The following DNAH1 variants were observed in gnomAD, a reference collection of about 807,000 sequenced individuals.
DNAH1 encodes the protein axonemal beta dynein heavy chain 1.
A neutral mutation model predicts 484.3 loss-of-function variants in DNAH1; 327 were observed. That is an observed-to-expected ratio of 0.68 (90% CI 0.62 to 0.74). The LOEUF (loss-of-function observed/expected upper bound fraction) is 0.74. DNAH1 is among the 30% of genes least tolerant of loss of function. The probability of loss-of-function intolerance (pLI) is 0.00; values close to 1 mark genes in which losing one functional copy is unlikely to be tolerated. For synonymous variants in DNAH1, 2,192 were observed against 2,191.9 expected (o/e 1.00, Z 0.00); for missense variants, 5,052 against 5,546.8 (o/e 0.91, Z 2.83).
At chr3:52,347,685 G>A in intron 11 of DNAH1, 139 bp from the exon 12 acceptor site, 1 of 1,034,428 alleles carries the variant, frequency 9.7e-7, no homozygotes, top group Non-Finnish European at 1.3e-6. Context: ...TAACTTGGAG[G>A]TGTGTGGGAC....
chr3:52,333,391 CTT>C (rs34307560), intron 8 of DNAH1, among the ~76,000 whole-genome samples: 3 of 137,482 alleles, frequency 2.2e-5, no homozygotes. Context: ...TTCTTTCTTT[CTT>C]TTTTTTTTTT....
chr3:52,345,751 C>T, intron 10 of DNAH1, 45 bp downstream of exon 10: 1 of 1,572,752 alleles, frequency 6.4e-7, no homozygotes. Context: ...AGGGCAGACC[C>T]TTGGAACTGG....
At chr3:52,321,432 A>G (rs1701144696) in intron 1 of DNAH1, among the ~76,000 whole-genome samples, 1 of 152,084 alleles carries the variant, frequency 6.6e-6, no homozygotes, top group African/African-American at 2.4e-5. Flanking sequence ...TTCTAATTGC[A>G]ATTTTTATTG....
At chr3:52,327,003 T>C in intron 5 of DNAH1, 112 bp downstream of exon 5, 14 of 1,368,802 alleles carry the variant, frequency 1.0e-5, no homozygotes, top group Non-Finnish European at 9.8e-7. Context: ...ACCAGCACAC[T>C]CTTGTCAAAC....
chr3:52,345,587 C>G lies in DNAH1; in HGVS notation c.1537C>G (p.Leu513Val). Residue 513 changes from leucine (L) to valine (V), a missense_variant, in exon 10 of 78, where the codon CTC becomes GTC. Transcript: ENST00000420323. ...LLTRPEVITA[L>V]SKVRAECNKV... ...CACACGGCCAGAGGTCATCACGGCCCTCAGCAAGGTGAGGGCCGAGTGCAA... is the reference window on the plus strand; with the variant it reads ...CACACGGCCAGAGGTCATCACGGCCGTCAGCAAGGTGAGGGCCGAGTGCAA... The G allele has an allele frequency of 6.2e-7, 1 of 1,603,886 alleles. No individual in the cohort carries two copies. The highest frequency in any genetic ancestry group is 1.3e-5 in the African/African-American group (1 of 74,866).
intron 2 of DNAH1, 37 bp from the exon 3 acceptor site, chr3:52,323,771 G>T: frequency 6.4e-7 from 1 of 1,554,114 alleles, no homozygotes. Flanking sequence ...TCCCTGGGAG[G>T]TTGACACATA....
At chr3:52,398,297 T>A in intron 75 of DNAH1, 135 bp downstream of exon 75, 1 of 1,192,088 alleles carries the variant, frequency 8.4e-7, no homozygotes, top group South Asian at 1.6e-5. Flanking sequence ...TTGTTGTTGT[T>A]GTTGACACGG....
chr3:52,398,826 A>C (rs376871020), intron 75 of DNAH1, 24 bp from the exon 76 acceptor site: 3 of 1,502,512 alleles, frequency 2.0e-6, no homozygotes, highest in Non-Finnish European at 2.7e-6. Flanking sequence ...CCCACTACCT[A>C]TTCTCTTGCC....
At position 52,396,932 on chromosome 3, in the gene DNAH1, G is replaced by A. The variant is rs766851279; in HGVS notation, c.11675G>A (p.Arg3892His). Residue 3892 changes from arginine (R) to histidine (H), a missense_variant, in exon 73 of 78, where the codon CGC (arginine) becomes CAC (histidine). This residue lies in a region of DNAH1 where 853 missense variants were observed against 899.0 expected (regional missense o/e 0.95). Coordinates refer to ENST00000420323, the MANE Select transcript of DNAH1 (RefSeq NM_015512.5). ...CGTGTCACTGATGACTGGGACCGGC[G>A]CTGCATCATGAACATCTTGGAGGAC... is the stretch of plus-strand genomic sequence containing the variant. ...GGRVTDDWDRRCIMNILEDFY... is the reference protein window; with the variant it reads ...GGRVTDDWDRHCIMNILEDFY... 3.7e-6 allele frequency: 6 copies of A among 1,613,352 alleles called. No homozygotes were observed. The highest frequency in any genetic ancestry group is 3.3e-5 in the Admixed American group (2 of 59,992).
intron 1 of DNAH1, among the ~76,000 whole-genome samples, chr3:52,321,923 C>T (rs1701163202): frequency 6.6e-6 from 1 of 152,118 alleles, no homozygotes; most frequent in Non-Finnish European, 1.5e-5. Flanking sequence ...TAGGGAGGCT[C>T]ATGCACCACA....
chr3:52,386,682 A>G lies in DNAH1; in HGVS notation c.8832A>G (p.Pro2944=). 2 of 1,586,832 alleles carry G rather than the reference A, an allele frequency of 1.3e-6. No individual in the cohort carries two copies. Among genetic ancestry groups the G allele is most frequent in the African/African-American group, 1.3e-5 (1 of 74,364 alleles). The change falls in exon 56 of 78, where the codon CCA becomes CCG. Residue 2944 remains proline, a synonymous_variant. Transcript: ENST00000420323. ...TGCAGGTACGTGCCATGCAGCGGCCACCCCCGGGTGTGAAACTGGTCATAG... is the reference window on the plus strand; with the variant it reads ...TGCAGGTACGTGCCATGCAGCGGCCGCCCCCGGGTGTGAAACTGGTCATAG... ...DVTEVRAMQR[P]PPGVKLVIEA...
intron 8 of DNAH1, among the ~76,000 whole-genome samples, chr3:52,340,568 G>A (rs535553189): frequency 7.1e-4 from 108 of 152,206 alleles, no homozygotes; most frequent in Non-Finnish European, 1.1e-3. Context: ...CCGAGTAGCT[G>A]GGACTACAGG....
At chr3:52,318,340 C>T (rs1488535840) in intron 1 of DNAH1, among the ~76,000 whole-genome samples, 1 of 152,198 alleles carries the variant, frequency 6.6e-6, no homozygotes, top group Non-Finnish European at 1.5e-5. Flanking sequence ...GCCACTGCGC[C>T]CGGCCTGGAG....
At chr3:52,385,091 G>A (rs748351825) in intron 53 of DNAH1, 114 bp downstream of exon 53, 15 of 1,287,194 alleles carry the variant, frequency 1.2e-5, no homozygotes, top group African/African-American at 6.0e-5. Flanking sequence ...AGCCCACGAC[G>A]TTGAAGTGGG....
rs1421282576 is a variant in DNAH1 at position 52,349,192 on chromosome 3, C to G, written c.2301-3C>G. 3 of 1,613,196 alleles carry G rather than the reference C, an allele frequency of 1.9e-6. No individual in the cohort carries two copies. The highest frequency in any genetic ancestry group is 2.7e-5 in the African/African-American group (2 of 75,036). On this transcript the variant is annotated splice_region_variant and splice_polypyrimidine_tract_variant and intron_variant, in intron 13 of 77. Coordinates refer to ENST00000420323, the MANE Select transcript of DNAH1 (RefSeq NM_015512.5). ...CCCCCTCCCGTGTGCTTGCTGTCCTCAGAACCTACCAGACGCAGGGCCTGT... is the reference window on the plus strand; with the variant it reads ...CCCCCTCCCGTGTGCTTGCTGTCCTGAGAACCTACCAGACGCAGGGCCTGT...
chr3:52,344,213 T>A (rs2153223674), intron 8 of DNAH1, among the ~76,000 whole-genome samples: 1 of 152,144 alleles, frequency 6.6e-6, no homozygotes, highest in Admixed American at 6.5e-5. Flanking sequence ...CCCGTCCCAC[T>A]GCTCTGGGGC....
intron 1 of DNAH1, among the ~76,000 whole-genome samples, chr3:52,320,674 T>C (rs982593639): frequency 1.3e-5 from 2 of 152,068 alleles, no homozygotes; most frequent in African/African-American, 4.8e-5. Context: ...TTCTTCAAGC[T>C]CTTGGCTCTT....
chr3:52,374,268 TA>T, intron 44 of DNAH1: 1 of 1,517,376 alleles, frequency 6.6e-7, no homozygotes, highest in Non-Finnish European at 9.2e-7. Flanking sequence ...GGATTTGCCT[TA>T]CCACTAAAAG....
At chr3:52,352,199 T>C (rs986202488) in intron 17 of DNAH1, 96 bp downstream of exon 17, 24 of 1,482,938 alleles carry the variant, frequency 1.6e-5, no homozygotes, top group Non-Finnish European at 2.2e-5. Context: ...ATTCAGGAGG[T>C]GCTGAGTCAA....
Sources: allele counts gnomAD v4.1 joint callset (sites outside exome capture counted in the v4.1 genomes callset), GRCh38; gene constraint gnomAD v4.1.1; regional missense constraint gnomAD v4.1.1; transcripts MANE v1.5; gene names NCBI Gene and HGNC (gene_info 2026-07-23, HGNC 2026-07-21).